PRR16: variants seen among roughly 807,000 people sequenced by gnomAD.
PRR16 encodes the protein protein Largen.
In PRR16, 6 loss-of-function variants were observed where a neutral mutation model predicts 18.2. The ratio of observed to expected loss-of-function variants is 0.33; its 90% confidence interval spans 0.18 to 0.65. PRR16 has a LOEUF of 0.65. PRR16 is among the 30% of genes least tolerant of loss of function. The pLI, the probability that PRR16 is intolerant of heterozygous loss-of-function variation, is 0.74. For missense variants in PRR16, 412 were observed against 376.6 expected (o/e 1.09, Z -0.78); for synonymous variants, 151 against 147.8 (o/e 1.02, Z -0.16).
At chr5:120,615,399 T>C (rs1754475057) in intron 1 of PRR16, among the ~76,000 whole-genome samples, 1 of 150,534 alleles carries the variant, frequency 6.6e-6, no homozygotes, top group African/African-American at 2.4e-5. Flanking sequence ...TTTTTTTTTT[T>C]TTTGATAAAA....
chr5:120,762,955 A>G, the PRR16 span, among the ~76,000 whole-genome samples: 2 of 152,132 alleles, frequency 1.3e-5, no homozygotes, highest in Admixed American at 6.5e-5. Flanking sequence ...GTGTGTGGTA[A>G]GATGGGTCTA....
At chr5:120,557,165 C>T (rs1165411067) in intron 1 of PRR16, among the ~76,000 whole-genome samples, 1 of 151,802 alleles carries the variant, frequency 6.6e-6, no homozygotes, top group African/African-American at 2.4e-5. Context: ...TTTTCTTAAA[C>T]ACTCATAAAG....
the PRR16 span, chr5:120,790,099 C>T: frequency 1.3e-5 from 2 of 152,126 alleles, no homozygotes; most frequent in Admixed American, 1.3e-4. Flanking sequence ...ATCCCTCAAC[C>T]TTGGAGCACA....
the PRR16 span, among the ~76,000 whole-genome samples, chr5:120,750,504 A>G: frequency 6.6e-6 from 1 of 151,864 alleles, no homozygotes; most frequent in South Asian, 2.1e-4. Context: ...ACTAAAAAAA[A>G]AACAAAACAA....
At chr5:120,736,206 T>C in the PRR16 span, among the ~76,000 whole-genome samples, 129 of 152,336 alleles carry the variant, frequency 8.5e-4, 1 homozygote, top group African/African-American at 2.8e-3. Flanking sequence ...ACCACAATGT[T>C]TTCTCGACTA....
chr5:120,756,239 T>A, the PRR16 span, among the ~76,000 whole-genome samples: 5 of 152,080 alleles, frequency 3.3e-5, no homozygotes, highest in South Asian at 1.0e-3. Context: ...TGCACAGAAG[T>A]GGGGAGGGGC....
the PRR16 span, among the ~76,000 whole-genome samples, chr5:120,760,412 C>T: frequency 1.3e-5 from 2 of 152,076 alleles, no homozygotes; most frequent in Admixed American, 1.3e-4. Context: ...TCTATACTTG[C>T]ATCTTCTCCC....
the PRR16 span, among the ~76,000 whole-genome samples, chr5:120,754,476 T>G: frequency 4.3e-5 from 4 of 92,010 alleles, no homozygotes; most frequent in African/African-American, 4.5e-5. Flanking sequence ...ATAGTATATA[T>G]TATATAATAT....
chr5:120,705,500 A>G, the PRR16 span, among the ~76,000 whole-genome samples: 1 of 152,118 alleles, frequency 6.6e-6, no homozygotes, highest in African/African-American at 2.4e-5. Flanking sequence ...GGAAAATGAT[A>G]TTCTTCAACA....
Position 120,552,890 on chromosome 5 carries a change from T to G in PRR16, c.159+88245T>G, listed in dbSNP as rs116137082. Among the ~76,000 whole-genome samples, 1,118 of 151,948 alleles carry G rather than the reference T, an allele frequency of 7.4e-3. 16 individuals are homozygous for G. The highest frequency in any genetic ancestry group is 0.026 in the African/African-American group (1,067 of 41,480). Reference sequence around the variant, plus strand: ...TTCCCTGCATGTTGATAGTGAAAGATTAGAATTCAAATGGGGAGACCTGAG... The same window carrying G: ...TTCCCTGCATGTTGATAGTGAAAGAGTAGAATTCAAATGGGGAGACCTGAG... On this transcript the variant is annotated intron_variant, in intron 1 of 1. Coordinates refer to ENST00000407149, the MANE Select transcript of PRR16 (RefSeq NM_001300783.2).
intron 1 of PRR16, among the ~76,000 whole-genome samples, chr5:120,530,479 T>G (rs1056634497): frequency 4.0e-5 from 6 of 151,640 alleles, no homozygotes; most frequent in African/African-American, 1.2e-4. Context: ...ATTATATCTC[T>G]GTGTACTTTT....
chr5:120,671,267 C>T (rs1161583563), intron 1 of PRR16, among the ~76,000 whole-genome samples: 2 of 152,082 alleles, frequency 1.3e-5, no homozygotes, highest in South Asian at 4.1e-4. Context: ...TCTCAAAGAT[C>T]AGATATCAGA....
the PRR16 span, among the ~76,000 whole-genome samples, chr5:120,754,386 A>ATATG: frequency 1.1e-4 from 3 of 27,328 alleles, no homozygotes; most frequent in African/African-American, 1.9e-4. Flanking sequence ...TAACATATAT[A>ATATG]TTATATGTTA....
chr5:120,784,419 T>C, the PRR16 span, among the ~76,000 whole-genome samples: 6 of 152,232 alleles, frequency 3.9e-5, no homozygotes, highest in Non-Finnish European at 8.8e-5. Flanking sequence ...TGAAATGATA[T>C]CTCATTGTGG....
chr5:120,595,240 A>G (rs1753761937), intron 1 of PRR16, among the ~76,000 whole-genome samples: 1 of 152,010 alleles, frequency 6.6e-6, no homozygotes, highest in Non-Finnish European at 1.5e-5. Flanking sequence ...CGAAATTTGC[A>G]AGCAAAATCA....
chr5:120,507,506 A>G (rs570322307), intron 1 of PRR16, among the ~76,000 whole-genome samples: 1 of 152,236 alleles, frequency 6.6e-6, no homozygotes, highest in African/African-American at 2.4e-5. Flanking sequence ...TATTTTGATC[A>G]TCTTACAGAA....
the PRR16 span, among the ~76,000 whole-genome samples, chr5:120,789,444 A>G: frequency 6.6e-6 from 1 of 152,130 alleles, no homozygotes. Flanking sequence ...GATTAATTAT[A>G]TGGCTAATTC....
At chr5:120,491,035 C>T (rs192654223) in intron 1 of PRR16, among the ~76,000 whole-genome samples, 31 of 152,252 alleles carry the variant, frequency 2.0e-4, no homozygotes, top group African/African-American at 5.5e-4. Context: ...GAGGAGTACC[C>T]GGCCGTGTGA....
chr5:120,794,059 T>A, the PRR16 span, among the ~76,000 whole-genome samples: 1 of 152,162 alleles, frequency 6.6e-6, no homozygotes, highest in Non-Finnish European at 1.5e-5. Context: ...AATGTAGGTA[T>A]GTTTAACTCC....
Sources: allele counts gnomAD v4.1 joint callset (sites outside exome capture counted in the v4.1 genomes callset), GRCh38; gene constraint gnomAD v4.1.1; transcripts MANE v1.5; gene names NCBI Gene and HGNC (gene_info 2026-07-23, HGNC 2026-07-21).